The following TRAF1 variants were observed in gnomAD, a reference collection of about 807,000 sequenced individuals.
The protein encoded by TRAF1 is TNF receptor-associated factor 1.
A neutral mutation model predicts 40.9 loss-of-function variants in TRAF1; 23 were observed. The ratio of observed to expected loss-of-function variants is 0.56; its 90% CI spans 0.40 to 0.80. The LOEUF (loss-of-function observed/expected upper bound fraction) is 0.80. TRAF1 is among the 30% of genes least tolerant of loss of function. The probability of loss-of-function intolerance (pLI) is 0.00; values close to 1 mark genes in which losing one functional copy is unlikely to be tolerated. For missense variants in TRAF1, 477 were observed against 528.7 expected (o/e 0.90, Z 0.96); for synonymous variants, 206 against 218.8 (o/e 0.94, Z 0.52).
At chr9:120,906,126 C>T (rs975550653) in intron 7 of TRAF1, among the ~76,000 whole-genome samples, 3 of 152,012 alleles carry the variant, frequency 2.0e-5, no homozygotes, top group Non-Finnish European at 4.4e-5. Flanking sequence ...GCTGTTCACC[C>T]ACAGGAAATG....
chr9:120,913,294 C>G, intron 5 of TRAF1, 34 bp downstream of exon 5: 1 of 1,564,446 alleles, frequency 6.4e-7, no homozygotes, highest in Non-Finnish European at 8.7e-7. Context: ...GGGGCTCAGC[C>G]GGGCTTGAAG....
chr9:120,914,140 A>G, intron 4 of TRAF1, 95 bp downstream of exon 4: 2 of 1,069,824 alleles, frequency 1.9e-6, no homozygotes, highest in Non-Finnish European at 1.3e-6. Flanking sequence ...GAGTGGACTG[A>G]TGTTACGGGA....
intron 3 of TRAF1, among the ~76,000 whole-genome samples, chr9:120,918,477 C>T (rs1167464888): frequency 1.3e-5 from 2 of 151,596 alleles, no homozygotes; most frequent in Admixed American, 6.6e-5. Context: ...TATTCTTATT[C>T]CTGTGGATTA....
intron 3 of TRAF1, among the ~76,000 whole-genome samples, chr9:120,920,596 G>A (rs1483511101): frequency 2.0e-5 from 3 of 152,172 alleles, no homozygotes; most frequent in Admixed American, 1.3e-4. Context: ...CCAGCCCCCT[G>A]GCATCCCCTC....
intron 5 of TRAF1, 48 bp downstream of exon 5, chr9:120,913,280 G>C (rs1294759636): frequency 7.1e-6 from 11 of 1,551,262 alleles, no homozygotes; most frequent in Non-Finnish European, 9.6e-6. Flanking sequence ...TCTGGAGACA[G>C]GATGGGGCTC....
intron 2 of TRAF1, 72 bp downstream of exon 2, chr9:120,925,864 C>G (rs1437468009): frequency 1.2e-6 from 2 of 1,600,012 alleles, no homozygotes; most frequent in Non-Finnish European, 8.5e-7. Flanking sequence ...GCTCCTCTGC[C>G]CCTCACCTCC....
chr9:120,912,952 G>A (rs527354266), intron 5 of TRAF1, among the ~76,000 whole-genome samples: 1 of 152,342 alleles, frequency 6.6e-6, no homozygotes, highest in South Asian at 2.1e-4. Context: ...GGACTAGAAG[G>A]TGGATTTGTC....
At position 120,905,249 on chromosome 9, in the gene TRAF1, G is replaced by C; in HGVS notation, c.1033-11C>G. On this transcript the variant is annotated splice_polypyrimidine_tract_variant and intron_variant, in intron 7 of 7. Coordinates refer to ENST00000373887, the MANE Select transcript of TRAF1 (RefSeq NM_005658.5). The stretch of plus-strand genomic sequence containing the variant: ...CAGCATGAAGGTGACCTGCAGGGAA[G>C]GGATAGGTGGGAGATCAGGCCCTAC... The C allele has an allele frequency of 6.3e-7, 1 of 1,593,752 alleles. No homozygotes were observed.
At chr9:120,928,490 T>C (rs1232540175), upstream of TRAF1, 1 of 152,504 alleles carries the variant, frequency 6.6e-6, no homozygotes, top group East Asian at 1.9e-4. Flanking sequence ...TCCCTTCCTT[T>C]CCCCGGCTTC....
Position 120,913,719 on chromosome 9 carries a change from T to G in TRAF1, c.314A>C (p.Gln105Pro). 6.3e-7 allele frequency: 1 copy of G among 1,580,660 alleles called. No homozygotes were observed. Among genetic ancestry groups the G allele is most frequent in the Non-Finnish European group, 8.6e-7 (1 of 1,160,126 alleles). Residue 105 changes from glutamine to proline, a missense_variant, in exon 5 of 8, where the codon CAA (glutamine) becomes CCA (proline). Gln to Pro is a moderately conservative substitution (Grantham distance 76). Coordinates refer to ENST00000373887, the MANE Select transcript of TRAF1 (RefSeq NM_005658.5). ...GGTCTGGGAGGTGACCTCATGCTCTTGCACAGACTGTGGGCTTCCCTGACA... is the reference window on the plus strand; with the variant it reads ...GGTCTGGGAGGTGACCTCATGCTCTGGCACAGACTGTGGGCTTCCCTGACA... The part of the protein sequence containing the change: ...CSFKGSPQSV[Q>P]EHEVTSQTSH...
At chr9:120,918,423 A>AGAATACTAATTAGTAG (rs762090028) in intron 3 of TRAF1, among the ~76,000 whole-genome samples, 2,440 of 151,888 alleles carry the variant, frequency 0.016, 65 homozygotes, top group African/African-American at 0.049. Flanking sequence ...AATAACACTA[A>AGAATACTAATTAGTAG]TAATACTAAT....
chr9:120,906,209 C>T (rs1393391939), intron 7 of TRAF1, among the ~76,000 whole-genome samples: 20 of 118,914 alleles, frequency 1.7e-4, no homozygotes, highest in Non-Finnish European at 3.3e-5. Flanking sequence ...GACAGAGTTT[C>T]GCTCTTGTTG....
At chr9:120,921,413 A>C (rs1339922347) in intron 3 of TRAF1, among the ~76,000 whole-genome samples, 1 of 152,212 alleles carries the variant, frequency 6.6e-6, no homozygotes, top group Non-Finnish European at 1.5e-5. Context: ...CCATTGGATT[A>C]GGAGATATTA....
At chr9:120,916,097 T>G (rs541037674) in intron 3 of TRAF1, among the ~76,000 whole-genome samples, 72 of 152,340 alleles carry the variant, frequency 4.7e-4, no homozygotes, top group Non-Finnish European at 8.4e-4. Flanking sequence ...AATTGGTCTA[T>G]ATATACTACA....
intron 3 of TRAF1, among the ~76,000 whole-genome samples, chr9:120,919,758 A>G (rs958309331): frequency 3.9e-5 from 6 of 152,178 alleles, no homozygotes; most frequent in Non-Finnish European, 7.4e-5. Context: ...CTGGTTGAAC[A>G]TAGTCTTGCC....
rs374703943 is a variant in TRAF1, at chr9:120,913,704, G to T, written c.329C>A (p.Thr110Asn). 2 of 1,602,278 alleles carry T rather than the reference G, an allele frequency of 1.2e-6. No individual in the cohort carries two copies. The highest frequency in any genetic ancestry group is 8.5e-7 in the Non-Finnish European group (1 of 1,172,864). Residue 110 changes from threonine to asparagine, a missense_variant, in exon 5 of 8, where the codon ACC (threonine) becomes AAC (asparagine). By Grantham distance (65) the Thr-to-Asn change is moderately conservative (BLOSUM62 0). Coordinates refer to ENST00000373887, the MANE Select transcript of TRAF1 (RefSeq NM_005658.5). The part of the protein sequence containing the change: ...SPQSVQEHEV[T>N]SQTSHLNLLL... ...CAGGTTTAGGTGGGAGGTCTGGGAG[G>T]TGACCTCATGCTCTTGCACAGACTG...
At chr9:120,922,243 C>T (rs60556099) in intron 3 of TRAF1, among the ~76,000 whole-genome samples, 1,607 of 152,234 alleles carry the variant, frequency 0.011, 26 homozygotes, top group African/African-American at 0.032. Context: ...TGGACCAATA[C>T]GAGTGTGTTT....
At position 120,925,975 on chromosome 9, in the gene TRAF1, C is replaced by T; in HGVS notation, c.101G>A (p.Arg34Lys). The T allele has an allele frequency of 6.2e-7, 1 of 1,613,850 alleles. No individual in the cohort carries two copies. Among genetic ancestry groups the T allele is most frequent in the South Asian group, 1.1e-5 (1 of 91,080 alleles). ...PTVCQDPKEP[R>K]ALCCAGCLSE... ...GAGACAGCCTGCACAGCAGAGAGCC[C>T]TGGGCTCCTTTGGGTCCTGGCAGAC... The change falls in exon 2 of 8, where the codon AGG (arginine) becomes AAG (lysine). Residue 34 changes from arginine to lysine, a missense_variant. By Grantham distance (26) the Arg-to-Lys change is conservative (BLOSUM62 2). Coordinates refer to ENST00000373887, the MANE Select transcript of TRAF1 (RefSeq NM_005658.5).
chr9:120,905,040 T>G lies in TRAF1; in HGVS notation c.1231A>C (p.Ile411Leu), dbSNP rs1198077261. 2.5e-6 allele frequency: 4 copies of G among 1,614,136 alleles called. No homozygotes were observed. The highest frequency in any genetic ancestry group is 3.4e-6 in the Non-Finnish European group (4 of 1,180,014). ...VKDDTMFLKC[I>L]VETST ...CCACCCTAAGTGCTGGTCTCCACAA[T>G]GCACTTGAGGAACATTGTGTCGTCC... The change falls in exon 8 of 8, where the codon ATT becomes CTT. Residue 411 changes from isoleucine (I) to leucine (L), a missense_variant. Transcript: ENST00000373887.
Sources: allele counts gnomAD v4.1 joint callset (sites outside exome capture counted in the v4.1 genomes callset), GRCh38; gene constraint gnomAD v4.1.1; transcripts MANE v1.5; gene names NCBI Gene and HGNC (gene_info 2026-07-23, HGNC 2026-07-21).